HIPK2: variants seen among roughly 807,000 people sequenced by gnomAD.
The protein encoded by HIPK2 is homeodomain-interacting protein kinase 2.
HIPK2 carries 27 observed loss-of-function variants against 113.7 expected under a neutral mutation model. The ratio of observed to expected loss-of-function variants is 0.24; its 90% confidence interval spans 0.17 to 0.33. HIPK2 has a LOEUF of 0.33. Ranked by LOEUF, HIPK2 falls within the 10% of genes least tolerant of loss-of-function variation. The probability of loss-of-function intolerance (pLI) is 1.00; values close to 1 mark genes in which losing one functional copy is unlikely to be tolerated. For synonymous variants in HIPK2, 631 were observed against 642.2 expected, an observed-to-expected ratio of 0.98 and a Z score of 0.26; for missense variants, 1,257 against 1,588.0, an observed-to-expected ratio of 0.79 and a Z score of 3.54.
intron 2 of HIPK2, among the ~76,000 whole-genome samples, chr7:139,656,172 A>C (rs1438346203): frequency 6.6e-6 from 1 of 152,072 alleles, no homozygotes; most frequent in Non-Finnish European, 1.5e-5. Flanking sequence ...ACTGCCAGGC[A>C]TCTACCACCA....
intron 12 of HIPK2, among the ~76,000 whole-genome samples, chr7:139,588,567 C>T (rs372770521): frequency 2.6e-5 from 4 of 151,038 alleles, no homozygotes; most frequent in African/African-American, 4.9e-5. Flanking sequence ...AAGAATATCT[C>T]GAAATATTTT....
chr7:139,694,664 AAC>A (rs1241221119), intron 2 of HIPK2, among the ~76,000 whole-genome samples: 1 of 152,130 alleles, frequency 6.6e-6, no homozygotes, highest in African/African-American at 2.4e-5. Flanking sequence ...GTCACATAAA[AAC>A]AGAGATGGGG....
intron 6 of HIPK2, among the ~76,000 whole-genome samples, chr7:139,621,597 A>C (rs1800234828): frequency 6.6e-6 from 1 of 152,204 alleles, no homozygotes; most frequent in Non-Finnish European, 1.5e-5. Flanking sequence ...CTTGTAGTTA[A>C]ACTTACTTTT....
At chr7:139,588,318 C>G (rs1798903881) in intron 12 of HIPK2, among the ~76,000 whole-genome samples, 1 of 150,544 alleles carries the variant, frequency 6.6e-6, no homozygotes, top group Non-Finnish European at 1.5e-5. Context: ...ACTCTGCCCC[C>G]ACACCGCGCT....
intron 2 of HIPK2, among the ~76,000 whole-genome samples, chr7:139,641,450 C>A (rs1801017076): frequency 6.6e-6 from 1 of 152,070 alleles, no homozygotes; most frequent in Non-Finnish European, 1.5e-5. Context: ...CTACCGTAAC[C>A]TAGTGTTCCT....
At chr7:139,641,556 C>G (rs1801023095) in intron 2 of HIPK2, among the ~76,000 whole-genome samples, 1 of 152,180 alleles carries the variant, frequency 6.6e-6, no homozygotes, top group Non-Finnish European at 1.5e-5. Context: ...GGAGTCCTAA[C>G]AGTGTGCCAG....
chr7:139,635,301 G>T (rs1800770341), intron 2 of HIPK2, among the ~76,000 whole-genome samples: 1 of 152,226 alleles, frequency 6.6e-6, no homozygotes, highest in Admixed American at 6.5e-5. Flanking sequence ...AGGAAGGCCG[G>T]TCTGGCCCCA....
intron 12 of HIPK2, among the ~76,000 whole-genome samples, chr7:139,595,789 G>T (rs1799189255): frequency 6.6e-6 from 1 of 152,194 alleles, no homozygotes; most frequent in African/African-American, 2.4e-5. Context: ...CTAATCAAAG[G>T]ATTTGTGATT....
chr7:139,674,922 TG>T (rs1315237192), intron 2 of HIPK2, among the ~76,000 whole-genome samples: 1 of 152,228 alleles, frequency 6.6e-6, no homozygotes, highest in Non-Finnish European at 1.5e-5. Context: ...GGCTCTTCTC[TG>T]GAACAGCCAT....
chr7:139,655,246 T>C (rs148871262), intron 2 of HIPK2, among the ~76,000 whole-genome samples: 315 of 152,070 alleles, frequency 2.1e-3, no homozygotes, highest in African/African-American at 7.2e-3. Flanking sequence ...AACCAGAAAA[T>C]AGTTCAGAAA....
At chr7:139,663,468 A>C (rs903728603) in intron 2 of HIPK2, among the ~76,000 whole-genome samples, 9 of 152,152 alleles carry the variant, frequency 5.9e-5, no homozygotes, top group African/African-American at 2.2e-4. Flanking sequence ...TTCGGATATG[A>C]CACTATACTG....
chr7:139,727,869 G>A (rs531830128), intron 1 of HIPK2, among the ~76,000 whole-genome samples: 7 of 151,808 alleles, frequency 4.6e-5, no homozygotes, highest in African/African-American at 7.3e-5. Flanking sequence ...GGAAACTGAT[G>A]GGATCAATGA....
intron 2 of HIPK2, among the ~76,000 whole-genome samples, chr7:139,715,683 C>A (rs1175706809): frequency 6.6e-6 from 1 of 152,230 alleles, no homozygotes; most frequent in African/African-American, 2.4e-5. Context: ...CTGCTCTGCA[C>A]CCCAGGTCCC....
chr7:139,649,664 C>T (rs573725688), intron 2 of HIPK2, among the ~76,000 whole-genome samples: 1 of 152,060 alleles, frequency 6.6e-6, no homozygotes, highest in African/African-American at 2.4e-5. Context: ...CTGTCTGTGC[C>T]TCTGATTAAC....
chr7:139,600,344 T>C, intron 11 of HIPK2, 73 bp downstream of exon 11: 1 of 1,512,430 alleles, frequency 6.6e-7, no homozygotes, highest in Non-Finnish European at 8.9e-7. Context: ...GTGCTGATAC[T>C]CCCTAAACTA....
intron 9 of HIPK2, among the ~76,000 whole-genome samples, chr7:139,609,854 G>A (rs2116754976): frequency 6.6e-6 from 1 of 152,288 alleles, no homozygotes; most frequent in South Asian, 2.1e-4. Flanking sequence ...ATCTCTGCAT[G>A]TCAAGACACA....
chr7:139,604,072 C>T lies in HIPK2; in HGVS notation c.2255+9G>A, dbSNP rs780111468. ...ACACCCACTCACCCTAGAGGGGTTT[C>T]CTGCTTACCTCCAGTCCGCCAGCTG... On this transcript the variant is annotated intron_variant, in intron 10 of 14. Transcript: ENST00000406875. 5 of 1,613,794 alleles carry T rather than the reference C, an allele frequency of 3.1e-6. No individual in the cohort carries two copies. Among genetic ancestry groups the T allele is most frequent in the Non-Finnish European group, 4.2e-6 (5 of 1,179,846 alleles).
chr7:139,773,043 A>T (rs1294472691), intron 1 of HIPK2, among the ~76,000 whole-genome samples: 1 of 152,144 alleles, frequency 6.6e-6, no homozygotes, highest in Non-Finnish European at 1.5e-5. Flanking sequence ...AGTCAGGGAC[A>T]GGGATTAAGA....
chr7:139,623,699 T>C (rs1800322020), intron 6 of HIPK2, among the ~76,000 whole-genome samples: 2 of 152,052 alleles, frequency 1.3e-5, no homozygotes, highest in Admixed American at 6.5e-5. Context: ...GGCACAGAAA[T>C]GAAATGGAGG....
Sources: gnomAD v4.1 joint callset for allele counts (sites outside exome capture counted in the v4.1 genomes callset) on GRCh38, gnomAD v4.1.1 for gene constraint, MANE v1.5 for transcripts, NCBI Gene and HGNC (gene_info 2026-07-23, HGNC 2026-07-21) for gene names.